Variants in KIF21A observed in about 807,000 individuals in gnomAD.
The protein encoded by KIF21A is kinesin family member 21A, also known as kinesin-like protein KIF21A.
KIF21A carries 114 observed loss-of-function variants against 202.9 expected under a neutral mutation model. The ratio of observed to expected loss-of-function variants is 0.56; its 90% CI spans 0.48 to 0.66. The LOEUF (loss-of-function observed/expected upper bound fraction) is 0.66. KIF21A is among the 30% of genes least tolerant of loss of function. The pLI is 0.00. For synonymous variants in KIF21A, 667 were observed against 670.8 expected, an observed-to-expected ratio of 0.99 and a Z score of 0.09; for missense variants, 1,677 against 1,994.9, an observed-to-expected ratio of 0.84 and a Z score of 3.04.
intron 27 of KIF21A, chr12:39,322,177 A>G (rs1239852785): frequency 6.5e-6 from 1 of 153,410 alleles, no homozygotes; most frequent in African/African-American, 2.4e-5. Context: ...TCAAGGTAAA[A>G]AATTAGGAAA....
At chr12:39,361,139 T>C (rs942151559) in intron 7 of KIF21A, among the ~76,000 whole-genome samples, 1 of 152,208 alleles carries the variant, frequency 6.6e-6, no homozygotes, top group African/African-American at 2.4e-5. Flanking sequence ...GAAAATATCT[T>C]AGACCACTTA....
rs761252358 is a variant in KIF21A at position 39,301,477 on chromosome 12, TACTC to T, written c.4930_4931+2del. Reference sequence around the variant, plus strand: ...TAGAGAAAAATCATATAAGAAAACTTACTCAGCTGCAGTAAAAATGTGGGTGGAA... The same window carrying T: ...TAGAGAAAAATCATATAAGAAAACTTAGCTGCAGTAAAAATGTGGGTGGAA... On this transcript the variant is annotated splice_donor_variant and coding_sequence_variant, in exon 37 of 38. Transcript: ENST00000361418. LOFTEE classifies it high-confidence loss of function. The T allele has an allele frequency of 1.2e-6, 2 of 1,611,952 alleles. No individual in the cohort carries two copies. Among genetic ancestry groups the T allele is most frequent in the Non-Finnish European group, 1.7e-6 (2 of 1,177,994 alleles).
rs541374908 is a variant in KIF21A, at chr12:39,358,382, T to G, written c.1020-9A>C. 6.2e-7 allele frequency: 1 copy of G among 1,611,796 alleles called. No homozygotes were observed. On this transcript the variant is annotated splice_polypyrimidine_tract_variant and intron_variant, in intron 7 of 37. Transcript: ENST00000361418. Reference sequence around the variant, plus strand: ...CTATCATGATTGTTTGGCTGAAAGTTACAAATAATAGTTAGGCTTACACAT... The same window carrying G: ...CTATCATGATTGTTTGGCTGAAAGTGACAAATAATAGTTAGGCTTACACAT...
intron 12 of KIF21A, among the ~76,000 whole-genome samples, chr12:39,343,115 G>A (rs1164696289): frequency 6.6e-6 from 1 of 151,994 alleles, no homozygotes; most frequent in Non-Finnish European, 1.5e-5. Flanking sequence ...TCATTAAAAA[G>A]CCCTTTGAGA....
intron 10 of KIF21A, among the ~76,000 whole-genome samples, chr12:39,353,120 T>G (rs1948521732): frequency 6.6e-6 from 1 of 152,156 alleles, no homozygotes; most frequent in Non-Finnish European, 1.5e-5. Flanking sequence ...CTAGATTATT[T>G]GCAACACTAA....
intron 1 of KIF21A, among the ~76,000 whole-genome samples, chr12:39,394,218 G>T (rs1951571467): frequency 6.6e-6 from 1 of 152,150 alleles, no homozygotes; most frequent in Non-Finnish European, 1.5e-5. Flanking sequence ...GCAATACATA[G>T]GTCATCTTCA....
chr12:39,414,015 A>G (rs768160777), intron 1 of KIF21A, among the ~76,000 whole-genome samples: 7 of 152,244 alleles, frequency 4.6e-5, no homozygotes, highest in Non-Finnish European at 1.0e-4. Context: ...TTTTGCACCA[A>G]CACCCACAAA....
Position 39,330,891 on chromosome 12 carries a change from T to C in KIF21A, c.3174A>G (p.Lys1058=), listed in dbSNP as rs768037365. The C allele has an allele frequency of 2.5e-6, 4 of 1,613,984 alleles. No homozygotes were observed. Among genetic ancestry groups the C allele is most frequent in the Admixed American group, 1.7e-5 (1 of 60,008 alleles). ...GINKGLQAAQ[K]EAQIKVLEGR... ...CTTCCAGTACTTTAATTTGAGCCTC[T>C]TTCTGGGCAGCCTGAAGACCCTGAA... Residue 1058 remains lysine (K), a synonymous_variant, in exon 23 of 38, where the codon AAA becomes AAG. Coordinates refer to ENST00000361418, the MANE Select transcript of KIF21A (RefSeq NM_001173464.2).
intron 35 of KIF21A, among the ~76,000 whole-genome samples, chr12:39,304,050 CCTCACTCATT>C (rs1370114417): frequency 6.6e-6 from 1 of 152,158 alleles, no homozygotes; most frequent in Non-Finnish European, 1.5e-5. Flanking sequence ...TCAGTTTTCT[CCTCACTCATT>C]CCCTCTCCAC....
rs1036294156 is a variant in KIF21A at position 39,311,458 on chromosome 12, C to T, written c.4055G>A (p.Cys1352Tyr). ...IAEGHTKAVL[C>Y]VDSTDDLLFT... The stretch of plus-strand genomic sequence containing the variant: ...GAGGAGATCATCAGTAGAATCCACA[C>T]AGAGCACAGCTTTTGTATGCCCTTC... The change falls in exon 32 of 38, where the codon TGT becomes TAT. Residue 1352 changes from cysteine to tyrosine, a missense_variant. This residue lies in a region of KIF21A where 705 missense variants were observed against 791.9 expected (regional missense o/e 0.89). Transcript: ENST00000361418. The T allele has an allele frequency of 2.5e-5, 41 of 1,613,036 alleles. No individual in the cohort carries two copies. Among genetic ancestry groups the T allele is most frequent in the Non-Finnish European group, 3.5e-5 (41 of 1,179,256 alleles).
chr12:39,407,948 C>A, intron 1 of KIF21A, among the ~76,000 whole-genome samples: 1 of 148,708 alleles, frequency 6.7e-6, no homozygotes, highest in African/African-American at 2.5e-5. Flanking sequence ...AGCATAAAAT[C>A]AAGGCATATG....
chr12:39,403,110 C>T (rs1277138102), intron 1 of KIF21A, among the ~76,000 whole-genome samples: 1 of 151,992 alleles, frequency 6.6e-6, no homozygotes, highest in Non-Finnish European at 1.5e-5. Context: ...CAAAAATACA[C>T]ATCAAAAACC....
At position 39,294,257 on chromosome 12, in the gene KIF21A, G is replaced by A. The variant is rs1367782099; in HGVS notation, c.*167C>T. On this transcript the variant is annotated 3_prime_UTR_variant, in exon 38 of 38. Coordinates refer to ENST00000361418, the MANE Select transcript of KIF21A (RefSeq NM_001173464.2). ...ATCTTAAAACTAAGCACACAGGATA[G>A]TACACAATTTTATTAGAATACCATT... The A allele has an allele frequency of 1.6e-6, 1 of 621,654 alleles. No individual in the cohort carries two copies. Among genetic ancestry groups the A allele is most frequent in the Non-Finnish European group, 2.9e-6 (1 of 339,378 alleles). The allele number at this position is 621,654 out of a possible 1,614,324, so 38.5% of individuals were successfully genotyped here.
intron 1 of KIF21A, among the ~76,000 whole-genome samples, chr12:39,370,652 T>C (rs545706380): frequency 1.4e-4 from 21 of 152,234 alleles, no homozygotes; most frequent in Non-Finnish European, 2.6e-4. Context: ...GTGATGATAG[T>C]ATGGAAAAAT....
rs966633633 is a variant in KIF21A at position 39,442,490 on chromosome 12, G to A, written c.44+437C>T. The stretch of plus-strand genomic sequence containing the variant: ...TCTCCTGCCTGGGAAGGCCGGAGCT[G>A]CATGGACACGTATGACAGACATTCT... On this transcript the variant is annotated intron_variant, in intron 1 of 37. Coordinates refer to ENST00000361418, the MANE Select transcript of KIF21A (RefSeq NM_001173464.2). The surrounding 1 kb of genome is among the most constrained non-coding windows in gnomAD (Gnocchi z 5.0). Among the ~76,000 whole-genome samples, 3 of 152,178 alleles carry A rather than the reference G, an allele frequency of 2.0e-5. No homozygotes were observed. Among genetic ancestry groups the A allele is most frequent in the Non-Finnish European group, 4.4e-5 (3 of 68,018 alleles).
chr12:39,304,858 T>A lies in KIF21A; in HGVS notation c.4523A>T (p.Asp1508Val), dbSNP rs1565649083. ...ATCCTTGGAGCCAGTGATGATTAGA[T>A]CTTGTCCACTGGAAATCTGATCCAC... Reference protein sequence around the residue: ...LTVDQISSGQDLIITGSKDHY... With the variant: ...LTVDQISSGQVLIITGSKDHY... Residue 1508 changes from aspartate (D) to valine (V), a missense_variant, in exon 35 of 38, where the codon GAT (aspartate) becomes GTT (valine). Around this residue, in one of 3 missense-constraint regions of KIF21A, gnomAD observed 705 missense variants for 791.9 expected, o/e 0.89. Coordinates refer to ENST00000361418, the MANE Select transcript of KIF21A (RefSeq NM_001173464.2). The A allele has an allele frequency of 1.2e-6, 2 of 1,605,412 alleles. No individual in the cohort carries two copies. Among genetic ancestry groups the A allele is most frequent in the Non-Finnish European group, 1.7e-6 (2 of 1,172,580 alleles).
chr12:39,298,821 A>C (rs916896678), intron 37 of KIF21A, among the ~76,000 whole-genome samples: 4 of 152,160 alleles, frequency 2.6e-5, no homozygotes, highest in African/African-American at 9.7e-5. Context: ...CAGAAATGAC[A>C]GGTATGATGA....
chr12:39,402,814 ATTC>A (rs1348220963), intron 1 of KIF21A, among the ~76,000 whole-genome samples: 3 of 152,160 alleles, frequency 2.0e-5, no homozygotes, highest in East Asian at 1.9e-4. Context: ...GCCCAAGACA[ATTC>A]TTCTTCTTCC....
chr12:39,322,600 T>C, intron 27 of KIF21A, 68 bp downstream of exon 27: 1 of 1,140,858 alleles, frequency 8.8e-7, no homozygotes, highest in South Asian at 1.4e-5. Context: ...AATAAGAAAT[T>C]AGCAACATGC....
Sources: gnomAD v4.1 joint callset for allele counts (sites outside exome capture counted in the v4.1 genomes callset) on GRCh38, gnomAD v4.1.1 for gene constraint, gnomAD v4.1.1 regional missense constraint, Gnocchi (gnomAD v3.1) non-coding constraint, MANE v1.5 for transcripts, NCBI Gene and HGNC (gene_info 2026-07-23, HGNC 2026-07-21) for gene names.